The following PCDHA2 variants were observed in gnomAD, a reference collection of about 807,000 sequenced individuals.
The protein encoded by PCDHA2 is protocadherin alpha-2.
A neutral mutation model predicts 66.0 loss-of-function variants in PCDHA2; 58 were observed. The ratio of observed to expected loss-of-function variants is 0.88; its 90% confidence interval spans 0.71 to 1.09. The LOEUF (loss-of-function observed/expected upper bound fraction) is 1.09, where lower values mean the gene tolerates loss of function less well. Among genes scored for constraint, PCDHA2 ranks in the 50% least tolerant of loss-of-function variants. The pLI is 0.00. For missense variants in PCDHA2, 1,267 were observed against 1,242.3 expected (o/e 1.02, Z -0.30); for synonymous variants, 634 against 554.0 (o/e 1.14, Z -2.03).
chr5:140,952,266 G>T (rs2094712993), intron 1 of PCDHA2, among the ~76,000 whole-genome samples: 1 of 151,598 alleles, frequency 6.6e-6, no homozygotes, highest in South Asian at 2.1e-4. Context: ...CCATTCTGGG[G>T]TCTTGAGGGT....
intron 1 of PCDHA2, among the ~76,000 whole-genome samples, chr5:140,946,325 A>G (rs2093929113): frequency 6.6e-6 from 1 of 151,932 alleles, no homozygotes; most frequent in Non-Finnish European, 1.5e-5. Context: ...TGAAAGAGGA[A>G]AGATAACAAG....
rs2098415868 is a variant in PCDHA2 at position 141,010,044 on chromosome 5, G to A, written c.*107G>A. On this transcript the variant is annotated 3_prime_UTR_variant, in exon 4 of 4. Coordinates refer to ENST00000526136, the MANE Select transcript of PCDHA2 (RefSeq NM_018905.3). ...TTTCCTATCTACATGAGCCCTCTTA[G>A]AGACCTCAGAAATCTGCAGAAAGTT... 6.3e-7 allele frequency: 1 copy of A among 1,594,604 alleles called. No individual in the cohort carries two copies. The highest frequency in any genetic ancestry group is 8.5e-7 in the Non-Finnish European group (1 of 1,171,226).
At chr5:140,801,956 A>C in intron 1 of PCDHA2, 2 of 1,614,204 alleles carry the variant, frequency 1.2e-6, no homozygotes, top group Non-Finnish European at 1.7e-6. Flanking sequence ...GATTACTCGA[A>C]AATGCACCAA....
chr5:140,927,687 T>C (rs1563095426), intron 1 of PCDHA2: 2 of 1,614,158 alleles, frequency 1.2e-6, no homozygotes, highest in Non-Finnish European at 1.7e-6. Context: ...AAGGGTCCAA[T>C]GGGGAAGTCC....
At chr5:140,836,230 C>G (rs1774305055) in intron 1 of PCDHA2, 1 of 1,613,786 alleles carries the variant, frequency 6.2e-7, no homozygotes, top group Admixed American at 1.7e-5. Context: ...CCGGTGGCGG[C>G]CGGTGCGAGC....
At chr5:140,822,243 G>A (rs2150114837) in intron 1 of PCDHA2, 12 of 1,614,136 alleles carry the variant, frequency 7.4e-6, no homozygotes, top group Non-Finnish European at 1.0e-5. Flanking sequence ...TAGAGGGCGC[G>A]TCGGATTTGG....
At position 140,802,816 on chromosome 5, in the gene PCDHA2, C is replaced by G. The variant is rs991420459; in HGVS notation, c.2388+5464C>G. ...CAGTTCCAGGTGAGTGCGCGCGATG[C>G]GGGCGTGCCGCCTCTGGGCAGCAAC... On this transcript the variant is annotated intron_variant, in intron 1 of 3. Transcript: ENST00000526136. 11 of 1,613,234 alleles carry G rather than the reference C, an allele frequency of 6.8e-6. No individual in the cohort carries two copies. The highest frequency in any genetic ancestry group is 3.3e-5 in the Admixed American group (2 of 60,000).
At chr5:140,967,731 G>T in intron 1 of PCDHA2, 1 of 1,614,164 alleles carries the variant, frequency 6.2e-7, no homozygotes, top group African/African-American at 1.3e-5. Context: ...GTAATTGGGG[G>T]GCTGGATTAT....
chr5:140,928,981 G>A, intron 1 of PCDHA2: 1 of 1,613,802 alleles, frequency 6.2e-7, no homozygotes, highest in Non-Finnish European at 8.5e-7. Context: ...TTTATTTCTG[G>A]GGTGCTTACT....
At chr5:140,863,220 G>C in intron 1 of PCDHA2, 1 of 1,115,318 alleles carries the variant, frequency 9.0e-7, no homozygotes, top group African/African-American at 1.6e-5. Flanking sequence ...GCCAAGCGAG[G>C]AAGGTCCCAT....
chr5:140,834,243 A>T, intron 1 of PCDHA2: 1 of 838,028 alleles, frequency 1.2e-6, no homozygotes, highest in Non-Finnish European at 1.9e-6. Context: ...TCCTTTTCGC[A>T]CTGGAAAGAC....
intron 1 of PCDHA2, among the ~76,000 whole-genome samples, chr5:140,940,840 A>T (rs1554213622): frequency 2.0e-5 from 3 of 152,222 alleles, no homozygotes; most frequent in Non-Finnish European, 1.5e-5. Context: ...ACCTTTCTTC[A>T]CGATAGATTT....
At chr5:140,971,643 T>C (rs2096490301) in intron 1 of PCDHA2, among the ~76,000 whole-genome samples, 2 of 152,134 alleles carry the variant, frequency 1.3e-5, no homozygotes, top group African/African-American at 4.8e-5. Flanking sequence ...TGTGCCTACA[T>C]TAAAAGTAGA....
At chr5:140,858,360 GC>G (rs1562537531) in intron 1 of PCDHA2, 1 of 1,592,532 alleles carries the variant, frequency 6.3e-7, no homozygotes. Context: ...ATGGCCTTCA[GC>G]CCCAGCCTTC....
At chr5:140,840,691 CG>C (rs1465189614) in intron 1 of PCDHA2, among the ~76,000 whole-genome samples, 3 of 151,924 alleles carry the variant, frequency 2.0e-5, no homozygotes, top group Admixed American at 6.6e-5. Context: ...GTAAATAAAA[CG>C]GTTCAGGCAA....
rs377697994 is a variant in PCDHA2, at chr5:140,808,073, G to A, written c.2388+10721G>A. ...AAATGTGAAATCCAAGTTTCACATA[G>A]ATCCAATTACTGGACAAATTATTGT... On this transcript the variant is annotated intron_variant, in intron 1 of 3. Coordinates refer to ENST00000526136, the MANE Select transcript of PCDHA2 (RefSeq NM_018905.3). The A allele has an allele frequency of 5.0e-6, 8 of 1,613,782 alleles. No individual in the cohort carries two copies. The African/African-American group carries it at 1.1e-4, about 22-fold the overall frequency.
At position 140,992,156 on chromosome 5, in the gene PCDHA2, A is replaced by G. The variant is rs79603129; in HGVS notation, c.2536+9593A>G. On this transcript the variant is annotated intron_variant, in intron 3 of 3. Coordinates refer to ENST00000526136, the MANE Select transcript of PCDHA2 (RefSeq NM_018905.3). ...TGATGATGCTAACTTTGCTCAATCA[A>G]GAAGTGTGATCCATTTAAATCATGC... Among the ~76,000 whole-genome samples the G allele has an allele frequency of 2.1e-3, 313 of 152,232 alleles. 2 individuals carry two copies. The highest frequency in any genetic ancestry group is 3.8e-3 in the Non-Finnish European group (258 of 67,998).
intron 1 of PCDHA2, chr5:140,805,694 C>G (rs892183800): frequency 1.1e-5 from 7 of 658,378 alleles, no homozygotes; most frequent in Non-Finnish European, 1.3e-5. Context: ...ATCATGATTA[C>G]CAAGAATTAG....
chr5:140,866,259 T>C (rs2049241676), intron 1 of PCDHA2: 1 of 152,166 alleles, frequency 6.6e-6, no homozygotes, highest in South Asian at 2.1e-4. Context: ...CCTTCTTTCT[T>C]TACTGTGAAT....
Sources: allele counts gnomAD v4.1 joint callset (sites outside exome capture counted in the v4.1 genomes callset), GRCh38; gene constraint gnomAD v4.1.1; transcripts MANE v1.5; gene names NCBI Gene and HGNC (gene_info 2026-07-23, HGNC 2026-07-21).